Variants in SIPA1L2 observed in about 807,000 individuals in gnomAD.
The protein encoded by SIPA1L2 is signal induced proliferation associated 1 like 2, also known as signal-induced proliferation-associated 1-like protein 2.
A neutral mutation model predicts 163.9 loss-of-function variants in SIPA1L2; 56 were observed. That is an observed-to-expected ratio of 0.34 (90% CI 0.28 to 0.43). The LOEUF (loss-of-function observed/expected upper bound fraction) is 0.43. Ranked by LOEUF, SIPA1L2 falls within the 20% of genes least tolerant of loss-of-function variation. The pLI, the probability that SIPA1L2 is intolerant of heterozygous loss-of-function variation, is 1.00. For missense variants in SIPA1L2, 1,974 were observed against 2,193.5 expected (o/e 0.90, Z 2.00); for synonymous variants, 877 against 865.7 (o/e 1.01, Z -0.23).
chr1:232,486,375 C>G (rs1049683166), intron 5 of SIPA1L2, among the ~76,000 whole-genome samples: 1 of 152,190 alleles, frequency 6.6e-6, no homozygotes, highest in East Asian at 1.9e-4. Context: ...CTCTTCCCAG[C>G]CATCGGACAC....
intron 3 of SIPA1L2, among the ~76,000 whole-genome samples, chr1:232,494,057 C>T (rs867900479): frequency 7.2e-4 from 109 of 152,124 alleles, no homozygotes; most frequent in African/African-American, 2.5e-3. Context: ...CATCTTTTAC[C>T]GAATGAGGGC....
At chr1:232,490,832 C>T in intron 5 of SIPA1L2, 42 bp downstream of exon 5, 1 of 1,532,658 alleles carries the variant, frequency 6.5e-7, no homozygotes, top group East Asian at 2.3e-5. Context: ...CAGAAACAGA[C>T]ACAAATTCAC....
intron 1 of SIPA1L2, among the ~76,000 whole-genome samples, chr1:232,618,864 T>C (rs775112368): frequency 1.3e-5 from 2 of 152,212 alleles, no homozygotes; most frequent in African/African-American, 4.8e-5. Context: ...TATCTCTGTA[T>C]ATCCAAAGTA....
At chr1:232,476,347 C>G (rs1275751755) in intron 7 of SIPA1L2, among the ~76,000 whole-genome samples, 1 of 152,144 alleles carries the variant, frequency 6.6e-6, no homozygotes, top group Non-Finnish European at 1.5e-5. Context: ...GTCAGGTACC[C>G]CTTCCCAACA....
At position 232,514,518 on chromosome 1, in the gene SIPA1L2, C is replaced by T; in HGVS notation, c.822G>A (p.Arg274=). 4 of 1,614,130 alleles carry T rather than the reference C, an allele frequency of 2.5e-6. No individual in the cohort carries two copies. The highest frequency in any genetic ancestry group is 3.4e-6 in the Non-Finnish European group (4 of 1,180,016). ...VDSALLMGRD[R]DKPFKRRLKS... is the part of the protein sequence containing the mutation. Reference sequence around the variant, plus strand: ...TCAACCTCCGTTTGAAAGGCTTGTCCCTGTCTCTCCCCATCAGGAGGGCAC... The same window carrying T: ...TCAACCTCCGTTTGAAAGGCTTGTCTCTGTCTCTCCCCATCAGGAGGGCAC... The change falls in exon 3 of 23, where the codon AGG becomes AGA. Residue 274 remains arginine, a synonymous_variant. Coordinates refer to ENST00000674635, the MANE Select transcript of SIPA1L2 (RefSeq NM_020808.5).
chr1:232,598,820 T>C (rs892158263), intron 1 of SIPA1L2, among the ~76,000 whole-genome samples: 1 of 152,056 alleles, frequency 6.6e-6, no homozygotes, highest in East Asian at 1.9e-4. Context: ...TTTCAACACA[T>C]GAATTTTGGG....
chr1:232,458,493 C>A (rs1661459212), intron 10 of SIPA1L2, among the ~76,000 whole-genome samples: 1 of 152,178 alleles, frequency 6.6e-6, no homozygotes, highest in Non-Finnish European at 1.5e-5. Context: ...TTTTATTAAA[C>A]AGATCTCTTG....
chr1:232,459,005 C>T (rs535112334), intron 10 of SIPA1L2, among the ~76,000 whole-genome samples: 2 of 152,282 alleles, frequency 1.3e-5, no homozygotes, highest in South Asian at 4.1e-4. Context: ...TTTCTTAAAT[C>T]CTTATTTTAT....
At chr1:232,599,516 C>T (rs913820026) in intron 1 of SIPA1L2, among the ~76,000 whole-genome samples, 3 of 151,114 alleles carry the variant, frequency 2.0e-5, no homozygotes, top group Non-Finnish European at 4.4e-5. Context: ...GTTTCCAATT[C>T]CAGGAGAAAC....
chr1:232,428,375 G>A, intron 17 of SIPA1L2, 36 bp downstream of exon 17: 5 of 679,024 alleles, frequency 7.4e-6, no homozygotes, highest in Non-Finnish European at 1.1e-5. Context: ...TTTTTTTAGT[G>A]TTTCTGGTAA....
chr1:232,564,246 GTGTGTGTGTGTGT>G (rs1659259594), intron 2 of SIPA1L2, among the ~76,000 whole-genome samples: 2 of 31,024 alleles, frequency 6.4e-5, no homozygotes, highest in South Asian at 2.5e-3. Context: ...GTGTGTGTGT[GTGTGTGTGTGTGT>G]GTGTGTGTGT....
chr1:232,453,239 G>A (rs776300688), intron 10 of SIPA1L2, among the ~76,000 whole-genome samples: 1 of 152,146 alleles, frequency 6.6e-6, no homozygotes, highest in African/African-American at 2.4e-5. Flanking sequence ...AGAGTCCTAA[G>A]GGAATGATGA....
chr1:232,570,628 G>GA (rs1272819917), intron 2 of SIPA1L2, among the ~76,000 whole-genome samples: 2 of 152,044 alleles, frequency 1.3e-5, no homozygotes, highest in African/African-American at 2.4e-5. Context: ...TTTCAACTGA[G>GA]AAAAAAGACT....
intron 1 of SIPA1L2, among the ~76,000 whole-genome samples, chr1:232,596,438 T>A (rs1661258018): frequency 6.6e-6 from 1 of 152,194 alleles, no homozygotes; most frequent in African/African-American, 2.4e-5. Flanking sequence ...GAGAGCTCCA[T>A]CAAAGCAGAA....
chr1:232,616,709 T>C (rs1662518679), intron 1 of SIPA1L2, among the ~76,000 whole-genome samples: 1 of 152,222 alleles, frequency 6.6e-6, no homozygotes. Flanking sequence ...AGAGCTACCT[T>C]AACCAATACA....
chr1:232,552,442 C>G (rs1229542582), intron 2 of SIPA1L2, among the ~76,000 whole-genome samples: 2 of 151,858 alleles, frequency 1.3e-5, no homozygotes, highest in East Asian at 3.9e-4. Flanking sequence ...TTGGCTGGAG[C>G]ACAGTGGTGC....
chr1:232,621,278 C>G (rs1474924584), intron 1 of SIPA1L2, among the ~76,000 whole-genome samples: 2 of 152,178 alleles, frequency 1.3e-5, no homozygotes, highest in Non-Finnish European at 2.9e-5. Flanking sequence ...CTCATTAGCC[C>G]AACCCTCAGC....
At chr1:232,455,176 T>C (rs974403506) in intron 10 of SIPA1L2, among the ~76,000 whole-genome samples, 1 of 152,256 alleles carries the variant, frequency 6.6e-6, no homozygotes, top group Non-Finnish European at 1.5e-5. Context: ...GTTACCTTTG[T>C]TCTGTATTGT....
chr1:232,410,382 T>C (rs1418137676), intron 19 of SIPA1L2, among the ~76,000 whole-genome samples: 1 of 152,138 alleles, frequency 6.6e-6, no homozygotes, highest in Non-Finnish European at 1.5e-5. Flanking sequence ...ACTAAACTCT[T>C]GCCAATAACA....
Sources: allele counts gnomAD v4.1 joint callset (sites outside exome capture counted in the v4.1 genomes callset), GRCh38; gene constraint gnomAD v4.1.1; transcripts MANE v1.5; gene names NCBI Gene and HGNC (gene_info 2026-07-23, HGNC 2026-07-21).